Variants in ADCK5 observed in about 807,000 individuals in gnomAD.
ADCK5 encodes uncharacterized aarF domain-containing protein kinase 5.
ADCK5 carries 43 observed loss-of-function variants against 64.9 expected under a neutral mutation model. That is an observed-to-expected ratio of 0.66 (90% CI 0.52 to 0.85). The LOEUF (loss-of-function observed/expected upper bound fraction) is 0.85. Among genes scored for constraint, ADCK5 ranks in the 40% least tolerant of loss-of-function variants. The probability of loss-of-function intolerance (pLI) is 0.00; values close to 1 mark genes in which losing one functional copy is unlikely to be tolerated. For synonymous variants in ADCK5, 434 were observed against 342.8 expected (o/e 1.27, Z -2.94); for missense variants, 760 against 810.5 (o/e 0.94, Z 0.76).
rs367710887 is a variant in ADCK5 at position 144,393,114 on chromosome 8, G to A, written c.*40G>A. 1.3e-6 allele frequency: 2 copies of A among 1,491,616 alleles called. No individual in the cohort carries two copies. The highest frequency in any genetic ancestry group is 2.3e-5 in the Admixed American group (1 of 43,232). The allele number at this position is 1,491,616 out of a possible 1,614,324, so 92.4% of individuals were successfully genotyped here. On this transcript the variant is annotated 3_prime_UTR_variant, in exon 15 of 15. Transcript: ENST00000308860. Reference sequence around the variant, plus strand: ...GGGCCGGCGGGGCCCTTTTCACCTTGGGCTGACGGAGGTGGCGGGGCTAGA... The same window carrying A: ...GGGCCGGCGGGGCCCTTTTCACCTTAGGCTGACGGAGGTGGCGGGGCTAGA...
At chr8:144,385,952 ACT>A (rs1333036992) in intron 3 of ADCK5, among the ~76,000 whole-genome samples, 1 of 143,808 alleles carries the variant, frequency 7.0e-6, no homozygotes. Flanking sequence ...TGACAGAGCG[ACT>A]CTCTGTCTCA....
At position 144,383,069 on chromosome 8, in the gene ADCK5, G is replaced by T; in HGVS notation, c.117-12G>T. On this transcript the variant is annotated splice_polypyrimidine_tract_variant and intron_variant, in intron 2 of 14. Coordinates refer to ENST00000308860, the MANE Select transcript of ADCK5 (RefSeq NM_174922.5). The stretch of plus-strand genomic sequence containing the variant: ...GGGGGCGGCGCCTCCAGGCTGCATT[G>T]TCTCTCCTCAGGTTCTCCAGCCCCA... 6.3e-7 allele frequency: 1 copy of T among 1,584,664 alleles called. No individual in the cohort carries two copies. The highest frequency in any genetic ancestry group is 8.6e-7 in the Non-Finnish European group (1 of 1,165,580).
At position 144,392,079 on chromosome 8, in the gene ADCK5, G is replaced by T; in HGVS notation, c.1097-13G>T. On this transcript the variant is annotated splice_polypyrimidine_tract_variant and intron_variant, in intron 10 of 14. Transcript: ENST00000308860. ...GGGTGGGCGCAGCGCGACCTAAGAG[G>T]CTGTATCCCTAGTTCTGGTGCGGAA... 3 of 1,612,440 alleles carry T rather than the reference G, an allele frequency of 1.9e-6. No individual in the cohort carries two copies. Among genetic ancestry groups the T allele is most frequent in the Non-Finnish European group, 2.5e-6 (3 of 1,179,938 alleles).
At chr8:144,386,157 C>T (rs1172414995) in intron 3 of ADCK5, among the ~76,000 whole-genome samples, 5 of 150,606 alleles carry the variant, frequency 3.3e-5, no homozygotes, top group Non-Finnish European at 7.4e-5. Flanking sequence ...TACAGGTGTG[C>T]GCGCCACCAT....
chr8:144,385,752 A>T (rs534435479), intron 3 of ADCK5, among the ~76,000 whole-genome samples: 1 of 151,852 alleles, frequency 6.6e-6, no homozygotes, highest in Non-Finnish European at 1.5e-5. Flanking sequence ...TCACGAGGTC[A>T]GGAGATCGAG....
chr8:144,391,499 C>T (rs782223103), intron 7 of ADCK5, 25 bp downstream of exon 7: 26 of 1,598,780 alleles, frequency 1.6e-5, no homozygotes, highest in Non-Finnish European at 2.1e-5. Context: ...CTTCCCCGGC[C>T]AGCAGGAGCA....
intron 2 of ADCK5, among the ~76,000 whole-genome samples, chr8:144,381,590 G>A (rs1819645490): frequency 6.8e-6 from 1 of 147,258 alleles, no homozygotes; most frequent in African/African-American, 2.6e-5. Flanking sequence ...TGGGCCGGGT[G>A]CAGAAACAGA....
chr8:144,373,820 G>C (rs549494748), upstream of ADCK5: 11 of 362,830 alleles, frequency 3.0e-5, no homozygotes, highest in Middle Eastern at 7.3e-4. Flanking sequence ...GTGCCTGCCC[G>C]GGGAATGCGC....
At chr8:144,375,965 T>C (rs920797248) in intron 1 of ADCK5, among the ~76,000 whole-genome samples, 23 of 152,174 alleles carry the variant, frequency 1.5e-4, no homozygotes, top group African/African-American at 5.3e-4. Flanking sequence ...GTGTGTCACG[T>C]GAGAATTGCC....
intron 1 of ADCK5, among the ~76,000 whole-genome samples, chr8:144,378,828 G>A (rs955751093): frequency 2.6e-5 from 4 of 151,986 alleles, no homozygotes; most frequent in African/African-American, 7.2e-5. Flanking sequence ...GTAGTGAGCC[G>A]AGATTGTGCC....
At chr8:144,385,773 C>G (rs1554859168) in intron 3 of ADCK5, among the ~76,000 whole-genome samples, 1 of 151,602 alleles carries the variant, frequency 6.6e-6, no homozygotes, top group African/African-American at 2.4e-5. Context: ...ACCATCCTGG[C>G]TAACATGGTG....
intron 3 of ADCK5, among the ~76,000 whole-genome samples, chr8:144,385,852 T>TA (rs1819896968): frequency 6.9e-6 from 1 of 144,414 alleles, no homozygotes; most frequent in South Asian, 2.2e-4. Flanking sequence ...TAGTCCCAGC[T>TA]ACTTGGGAGG....
At chr8:144,386,620 A>C (rs1344301453) in intron 3 of ADCK5, among the ~76,000 whole-genome samples, 1 of 152,192 alleles carries the variant, frequency 6.6e-6, no homozygotes. Context: ...GGACTCCCAA[A>C]GTGCTGGGAT....
chr8:144,392,734 G>A, intron 13 of ADCK5, 37 bp downstream of exon 13: 1 of 1,589,000 alleles, frequency 6.3e-7, no homozygotes. Context: ...CCGTGGTGGG[G>A]CTGGTGTGGG....
rs571308711 is a variant in ADCK5, at chr8:144,384,509, C to T, written c.266+1279C>T. On this transcript the variant is annotated intron_variant, in intron 3 of 14. Transcript: ENST00000308860. The surrounding 1 kb of genome is among the most constrained non-coding windows in gnomAD (Gnocchi z 5.7). ...TTGGAGTTCCTGCTGTCCCTGCCTG[C>T]AGATTTTGGGTGGCATTGTCTGTCT... is the stretch of plus-strand genomic sequence containing the variant. Among the ~76,000 whole-genome samples the T allele has an allele frequency of 5.9e-5, 9 of 152,314 alleles. No individual in the cohort carries two copies. The South Asian group carries it at 1.7e-3, about 28-fold the overall frequency.
chr8:144,385,123 G>C (rs1819852538), intron 3 of ADCK5, among the ~76,000 whole-genome samples: 1 of 151,822 alleles, frequency 6.6e-6, no homozygotes, highest in Admixed American at 6.6e-5. Context: ...AAGGTGGAAG[G>C]TTTGGGACAA....
At position 144,393,070 on chromosome 8, in the gene ADCK5, C is replaced by T. The variant is rs1368575083; in HGVS notation, c.1739C>T (p.Thr580Ile). The change falls in exon 15 of 15, where the codon ACC becomes ATC. Residue 580 changes from threonine (T) to isoleucine (I), a missense_variant. Around this residue, in one of 2 missense-constraint regions of ADCK5, gnomAD observed 333 missense variants for 292.0 expected, o/e 1.14. Transcript: ENST00000308860. ...GAGGAGCTCTACCAGTACCTGGAGA[C>T]CTAGGGTGCAGCCGCCCAGGGCCGG... ...PAEELYQYLE[T>I] 5.7e-6 allele frequency: 9 copies of T among 1,574,192 alleles called. No individual in the cohort carries two copies. Among genetic ancestry groups the T allele is most frequent in the Non-Finnish European group, 7.7e-6 (9 of 1,164,822 alleles).
Position 144,392,386 on chromosome 8 carries a change from G to A in ADCK5, c.1267+41G>A, listed in dbSNP as rs1249192767. On this transcript the variant is annotated intron_variant, in intron 12 of 14. Coordinates refer to ENST00000308860, the MANE Select transcript of ADCK5 (RefSeq NM_174922.5). ...GATGGCTGGGGCACCACAGAAGGGA[G>A]TCGGGCGGCGCGGAACCCACTCAGA... The A allele has an allele frequency of 3.4e-6, 5 of 1,487,888 alleles. No individual in the cohort carries two copies. In the African/African-American group the frequency reaches 4.2e-5, roughly 12 times the overall value. 92.2% of individuals were successfully genotyped at this position (1,487,888 alleles called of 1,614,324 possible).
At chr8:144,388,716 G>A (rs2130720933) in intron 3 of ADCK5, among the ~76,000 whole-genome samples, 1 of 150,428 alleles carries the variant, frequency 6.6e-6, no homozygotes, top group African/African-American at 2.4e-5. Flanking sequence ...AGTGAGCCAA[G>A]ATCGCCACCA....
Sources: gnomAD v4.1 joint callset for allele counts (sites outside exome capture counted in the v4.1 genomes callset) on GRCh38, gnomAD v4.1.1 for gene constraint, gnomAD v4.1.1 regional missense constraint, Gnocchi (gnomAD v3.1) non-coding constraint, MANE v1.5 for transcripts, NCBI Gene and HGNC (gene_info 2026-07-23, HGNC 2026-07-21) for gene names.